The following RASGEF1C variants were observed in gnomAD, a reference collection of about 807,000 sequenced individuals.
RASGEF1C encodes RasGEF domain family member 1C, also known as ras-GEF domain-containing family member 1C.
RASGEF1C carries 27 observed loss-of-function variants against 58.1 expected under a neutral mutation model. The ratio of observed to expected loss-of-function variants is 0.46; its 90% CI spans 0.34 to 0.64. The LOEUF (loss-of-function observed/expected upper bound fraction) is 0.64. RASGEF1C is among the 30% of genes least tolerant of loss of function. The pLI, the probability that RASGEF1C is intolerant of heterozygous loss-of-function variation, is 0.01. For synonymous variants in RASGEF1C, 243 were observed against 246.3 expected, an observed-to-expected ratio of 0.99 and a Z score of 0.13; for missense variants, 502 against 605.1, an observed-to-expected ratio of 0.83 and a Z score of 1.79.
At chr5:180,115,755 ATACC>A (rs1766054591) in intron 10 of RASGEF1C, among the ~76,000 whole-genome samples, 1 of 152,164 alleles carries the variant, frequency 6.6e-6, no homozygotes, top group South Asian at 2.1e-4. Flanking sequence ...GAGAGGTTAA[ATACC>A]TTGCATAAGC....
intron 1 of RASGEF1C, among the ~76,000 whole-genome samples, chr5:180,182,342 C>T (rs1442487182): frequency 6.6e-6 from 1 of 151,924 alleles, no homozygotes; most frequent in Non-Finnish European, 1.5e-5. Flanking sequence ...AAGAATGAAG[C>T]CGCGGACCTT....
Position 180,136,369 on chromosome 5 carries a change from G to A in RASGEF1C, c.438+9C>T, listed in dbSNP as rs530908589. 1.9e-4 allele frequency: 288 copies of A among 1,552,536 alleles called. 1 individual carries two copies. In the South Asian group the frequency reaches 3.3e-3, roughly 18 times the overall value. On this transcript the variant is annotated intron_variant, in intron 4 of 13. Coordinates refer to ENST00000361132, the MANE Select transcript of RASGEF1C (RefSeq NM_175062.4). ...CCCAGGGTGACGCGACCCCCGCCCAGCTGCCCACCTCGTCACAGGGGGCGA... is the reference window on the plus strand; with the variant it reads ...CCCAGGGTGACGCGACCCCCGCCCAACTGCCCACCTCGTCACAGGGGGCGA...
At chr5:180,113,807 G>GGATGGAGGGATCGAGGATA (rs1430919201) in intron 11 of RASGEF1C, among the ~76,000 whole-genome samples, 3 of 151,862 alleles carry the variant, frequency 2.0e-5, no homozygotes, top group Admixed American at 2.0e-4. Flanking sequence ...GACCGAGGAT[G>GGATGGAGGGATCGAGGATA]GATGGAGGGA....
intron 1 of RASGEF1C, among the ~76,000 whole-genome samples, chr5:180,185,542 G>A (rs1756020190): frequency 6.6e-6 from 1 of 151,912 alleles, no homozygotes; most frequent in South Asian, 2.1e-4. Flanking sequence ...CCAAGATTGT[G>A]CCATTGCACT....
At chr5:180,113,649 G>A (rs1323023142) in intron 11 of RASGEF1C, among the ~76,000 whole-genome samples, 3 of 98,854 alleles carry the variant, frequency 3.0e-5, no homozygotes, top group South Asian at 7.6e-4. Context: ...CGGAGTGACC[G>A]GGGATGGACG....
Position 180,127,654 on chromosome 5 carries a change from C to A in RASGEF1C, c.669G>T (p.Glu223Asp), listed in dbSNP as rs750939732. 10 of 1,613,138 alleles carry A rather than the reference C, an allele frequency of 6.2e-6. No individual in the cohort carries two copies. The highest frequency in any genetic ancestry group is 7.6e-6 in the Non-Finnish European group (9 of 1,179,760). Reference protein sequence around the residue: ...LERLRHIGPEEFVQAFVNKDP... With the variant: ...LERLRHIGPEDFVQAFVNKDP... ...CCTTGTTCACAAAGGCCTGGACAAA[C>A]TCCTCAGGCCCGATGTGCCGCAGCC... The change falls in exon 6 of 14, where the codon GAG becomes GAT. Residue 223 changes from glutamate (E) to aspartate (D), a missense_variant. By Grantham distance (45) the Glu-to-Asp change is conservative. Coordinates refer to ENST00000361132, the MANE Select transcript of RASGEF1C (RefSeq NM_175062.4).
intron 12 of RASGEF1C, among the ~76,000 whole-genome samples, chr5:180,103,812 G>A (rs773188501): frequency 3.5e-4 from 54 of 152,306 alleles, no homozygotes; most frequent in Middle Eastern, 3.4e-3. Context: ...TTGCAGAAGC[G>A]TTTCTGTGGA....
intron 1 of RASGEF1C, among the ~76,000 whole-genome samples, chr5:180,146,622 T>C (rs1766665258): frequency 6.6e-6 from 1 of 152,194 alleles, no homozygotes; most frequent in Admixed American, 6.5e-5. Context: ...ATTACATTGA[T>C]TGATTTTCGT....
chr5:180,176,191 G>A (rs1680282519), intron 1 of RASGEF1C, among the ~76,000 whole-genome samples: 1 of 152,206 alleles, frequency 6.6e-6, no homozygotes, highest in African/African-American at 2.4e-5. Flanking sequence ...CTTGGCCTGG[G>A]CCCTGGTGGC....
chr5:180,109,404 G>A (rs1416879631), intron 12 of RASGEF1C, among the ~76,000 whole-genome samples: 1 of 152,172 alleles, frequency 6.6e-6, no homozygotes, highest in Non-Finnish European at 1.5e-5. Context: ...CTTGCAGTGA[G>A]CCGAGATTGC....
intron 4 of RASGEF1C, among the ~76,000 whole-genome samples, chr5:180,131,395 G>A (rs1766366837): frequency 6.6e-6 from 1 of 152,028 alleles, no homozygotes; most frequent in Non-Finnish European, 1.5e-5. Flanking sequence ...TCCCCGGCAG[G>A]ATCTGGACAG....
At chr5:180,114,717 G>A (rs555401225) in intron 10 of RASGEF1C, among the ~76,000 whole-genome samples, 176 bp from the exon 11 acceptor site, 12 of 152,316 alleles carry the variant, frequency 7.9e-5, no homozygotes, top group African/African-American at 2.6e-4. Context: ...CACGGGTTAC[G>A]AGGTGAATTC....
At chr5:180,161,476 C>T (rs1561747241) in intron 1 of RASGEF1C, among the ~76,000 whole-genome samples, 1 of 152,252 alleles carries the variant, frequency 6.6e-6, no homozygotes, top group East Asian at 1.9e-4. Context: ...ATGTGGCTCA[C>T]CTGTGTGGAC....
intron 1 of RASGEF1C, among the ~76,000 whole-genome samples, chr5:180,148,928 C>G (rs1019191772): frequency 2.0e-5 from 3 of 152,088 alleles, no homozygotes; most frequent in Admixed American, 1.3e-4. Flanking sequence ...TCTTGTTTAT[C>G]TAGGAATGTC....
At chr5:180,134,462 C>G (rs1209042657) in intron 4 of RASGEF1C, among the ~76,000 whole-genome samples, 1 of 151,810 alleles carries the variant, frequency 6.6e-6, no homozygotes, top group East Asian at 2.0e-4. Context: ...ACAGACCTCA[C>G]TGCTGACCCT....
At chr5:180,174,517 T>C (rs1336832365) in intron 1 of RASGEF1C, among the ~76,000 whole-genome samples, 1 of 148,474 alleles carries the variant, frequency 6.7e-6, no homozygotes, top group Non-Finnish European at 1.5e-5. Flanking sequence ...TGCGTGCGCG[T>C]ACACACGTGT....
At chr5:180,142,046 T>A (rs1766588462) in intron 1 of RASGEF1C, among the ~76,000 whole-genome samples, 1 of 152,202 alleles carries the variant, frequency 6.6e-6, no homozygotes, top group African/African-American at 2.4e-5. Flanking sequence ...CATCTGTGTT[T>A]TGTGCACGTG....
intron 1 of RASGEF1C, among the ~76,000 whole-genome samples, chr5:180,190,393 G>A (rs1237525632): frequency 6.6e-6 from 1 of 150,822 alleles, no homozygotes; most frequent in Non-Finnish European, 1.5e-5. Context: ...GGGAGGCTGA[G>A]GCAGGAGAGT....
intron 4 of RASGEF1C, among the ~76,000 whole-genome samples, chr5:180,129,693 C>T (rs1766330206): frequency 6.6e-6 from 1 of 152,222 alleles, no homozygotes; most frequent in Non-Finnish European, 1.5e-5. Context: ...CCTCTGGGAG[C>T]AGCAGCCTGT....
Sources: gnomAD v4.1 joint callset for allele counts (sites outside exome capture counted in the v4.1 genomes callset) on GRCh38, gnomAD v4.1.1 for gene constraint, MANE v1.5 for transcripts, NCBI Gene and HGNC (gene_info 2026-07-23, HGNC 2026-07-21) for gene names.